TMEM260: variants seen among roughly 807,000 people sequenced by gnomAD.
TMEM260 encodes protein O-mannosyl-transferase TMEM260.
Under a neutral mutation model 88.9 loss-of-function variants are expected in TMEM260, and 82 were observed. The observed-to-expected ratio is 0.92, with a 90% CI of 0.77 to 1.11. The LOEUF is 1.11. TMEM260 is among the 50% of genes least tolerant of loss of function. The pLI is 0.00. For missense variants in TMEM260, 902 were observed against 853.4 expected (o/e 1.06, Z -0.71); for synonymous variants, 314 against 309.3 (o/e 1.02, Z -0.16).
the TMEM260 span, among the ~76,000 whole-genome samples, chr14:56,660,851 A>G: frequency 2.0e-5 from 3 of 152,170 alleles, no homozygotes; most frequent in Non-Finnish European, 4.4e-5. Context: ...TAAACTCTTA[A>G]TAGTGCACCT....
Position 56,641,166 on chromosome 14 carries a change from A to G in TMEM260, c.1869+4568A>G, listed in dbSNP as rs374299519. On this transcript the variant is annotated intron_variant, in intron 15 of 15. Coordinates refer to ENST00000261556, the MANE Select transcript of TMEM260 (RefSeq NM_017799.4). Reference sequence around the variant, plus strand: ...TTCAAATTCAGGAAATACAGAGAACACCACAAAGATACTCCTCGAGAAGAG... The same window carrying G: ...TTCAAATTCAGGAAATACAGAGAACGCCACAAAGATACTCCTCGAGAAGAG... Among the ~76,000 whole-genome samples the G allele has an allele frequency of 4.9e-3, 703 of 143,348 alleles. 1 individual carries two copies. The highest frequency in any genetic ancestry group is 0.012 in the East Asian group (52 of 4,468). 94.0% of individuals were successfully genotyped at this position (143,348 alleles called of 152,430 possible).
In TMEM260 at chr14:56,615,958, A is replaced by G; in HGVS notation, c.872A>G (p.Asn291Ser). 1 of 1,613,054 alleles carries G rather than the reference A, an allele frequency of 6.2e-7. No homozygotes were observed. Among genetic ancestry groups the G allele is most frequent in the Non-Finnish European group, 8.5e-7 (1 of 1,179,214 alleles). Residue 291 changes from asparagine (N) to serine (S), a missense_variant, in exon 8 of 16, where the codon AAT becomes AGT. Transcript: ENST00000261556. ...GTTTTTTGCAGTTCTCAAGTAACAA[A>G]TATGAGGACCGAACTCTCATTCAAC... ...MSEILLSQVT[N>S]MRTELSFNIQ...
downstream of TMEM260, among the ~76,000 whole-genome samples, chr14:56,653,128 T>C (rs1432041044): frequency 2.6e-5 from 4 of 152,014 alleles, no homozygotes; most frequent in Non-Finnish European, 5.9e-5. Flanking sequence ...ACCCCGTCTC[T>C]ACTAAAAAAT....
At chr14:56,613,834 AG>A (rs1392680195) in intron 7 of TMEM260, 2 of 151,046 alleles carry the variant, frequency 1.3e-5, no homozygotes, top group Admixed American at 1.3e-4. Flanking sequence ...CCAAAGTGGG[AG>A]GATCGCTTGA....
chr14:56,584,916 C>T, intron 1 of TMEM260, 85 bp from the exon 2 acceptor site: 2 of 1,087,350 alleles, frequency 1.8e-6, no homozygotes, highest in Non-Finnish European at 2.8e-6. Context: ...ATGCAAAACC[C>T]CAATGCAAGC....
intron 13 of TMEM260, among the ~76,000 whole-genome samples, chr14:56,634,343 T>C (rs1002388620): frequency 3.9e-5 from 6 of 152,230 alleles, no homozygotes; most frequent in African/African-American, 1.4e-4. Flanking sequence ...AGACTTTCAA[T>C]GTCTTCCTGT....
chr14:56,582,357 G>A (rs977329628), intron 1 of TMEM260, among the ~76,000 whole-genome samples: 3 of 152,122 alleles, frequency 2.0e-5, no homozygotes, highest in African/African-American at 7.2e-5. Context: ...TGCTTTTCGG[G>A]GAGGGGGTAG....
In TMEM260 at chr14:56,639,401, C is replaced by G. The variant is rs538219427; in HGVS notation, c.1869+2803C>G. 5.9e-5 allele frequency among the ~76,000 whole-genome samples: 9 copies of G among 152,244 alleles called. No individual in the cohort carries two copies. In the South Asian group the frequency reaches 1.7e-3, roughly 28 times the overall value. On this transcript the variant is annotated intron_variant, in intron 15 of 15. Transcript: ENST00000261556. ...GATTATTATGCATGGAGGCCTGTAT[C>G]AAAATATCTCATGTACCTTATAAAT... is the stretch of plus-strand genomic sequence containing the variant.
At chr14:56,607,890 A>G (rs1030676367) in intron 5 of TMEM260, among the ~76,000 whole-genome samples, 11 of 152,174 alleles carry the variant, frequency 7.2e-5, no homozygotes, top group African/African-American at 2.4e-5. Flanking sequence ...CTCTCATGCA[A>G]TTGTCTCCCT....
rs544054728 is a variant in TMEM260, at chr14:56,590,099, G to T, written c.344+4187G>T. Among the ~76,000 whole-genome samples the T allele has an allele frequency of 2.0e-5, 3 of 152,270 alleles. No individual in the cohort carries two copies. In the South Asian group the frequency reaches 6.2e-4, roughly 32 times the overall value. On this transcript the variant is annotated intron_variant, in intron 3 of 15. Transcript: ENST00000261556. ...TTAATTTCCATTCAGGAGAATATCT[G>T]TCTTGATCCGTGGTTAATTGATCAT...
At position 56,649,288 on chromosome 14, in the gene TMEM260, T is replaced by C. The variant is rs1363872508; in HGVS notation, c.*1791T>C. 1 of 152,622 alleles carries C rather than the reference T, an allele frequency of 6.6e-6. No homozygotes were observed. Among genetic ancestry groups the C allele is most frequent in the African/African-American group, 2.4e-5 (1 of 41,446 alleles). The allele number at this position is 152,622 out of a possible 1,614,324, so 9.5% of individuals were successfully genotyped here. On this transcript the variant is annotated 3_prime_UTR_variant, in exon 16 of 16. Coordinates refer to ENST00000261556, the MANE Select transcript of TMEM260 (RefSeq NM_017799.4). The stretch of plus-strand genomic sequence containing the variant: ...ACTAATTGGCAAAGACTTTTAATCA[T>C]GGGCCAAGAACTTTCACTGACTTGA...
intron 15 of TMEM260, among the ~76,000 whole-genome samples, chr14:56,640,706 A>T (rs1436350486): frequency 6.6e-6 from 1 of 152,226 alleles, no homozygotes; most frequent in Non-Finnish European, 1.5e-5. Flanking sequence ...AAGCTAAAGA[A>T]GGAAGTTCGA....
intron 15 of TMEM260, among the ~76,000 whole-genome samples, chr14:56,645,416 T>TA (rs1889895336): frequency 6.6e-6 from 1 of 151,744 alleles, no homozygotes; most frequent in Non-Finnish European, 1.5e-5. Context: ...CACCACATGT[T>TA]CTCACTCATA....
chr14:56,586,747 T>C (rs1885531152), intron 3 of TMEM260, among the ~76,000 whole-genome samples: 1 of 152,108 alleles, frequency 6.6e-6, no homozygotes, highest in African/African-American at 2.4e-5. Context: ...AATGTCTTTT[T>C]TGGAGACCAA....
chr14:56,623,914 G>C (rs939339492), intron 11 of TMEM260, among the ~76,000 whole-genome samples: 1 of 152,158 alleles, frequency 6.6e-6, no homozygotes, highest in African/African-American at 2.4e-5. Flanking sequence ...GTGTTAATGG[G>C]AGTCTCTTCT....
At chr14:56,586,244 A>T (rs925927364) in intron 3 of TMEM260, among the ~76,000 whole-genome samples, 1 of 152,164 alleles carries the variant, frequency 6.6e-6, no homozygotes, top group African/African-American at 2.4e-5. Context: ...AATGGTAAAT[A>T]TCATTTAATT....
At chr14:56,591,013 T>C (rs962994534) in intron 3 of TMEM260, among the ~76,000 whole-genome samples, 1 of 152,338 alleles carries the variant, frequency 6.6e-6, no homozygotes, top group South Asian at 2.1e-4. Flanking sequence ...GACTTTATAA[T>C]TGTGAAGCTA....
At chr14:56,661,710 T>G in the TMEM260 span, among the ~76,000 whole-genome samples, 102 of 152,344 alleles carry the variant, frequency 6.7e-4, no homozygotes, top group Middle Eastern at 3.4e-3. Context: ...GTTTCCCCTC[T>G]TGTCATAGAG....
chr14:56,656,685 G>A, the TMEM260 span, among the ~76,000 whole-genome samples: 1 of 151,976 alleles, frequency 6.6e-6, no homozygotes, highest in South Asian at 2.1e-4. Context: ...TCTCTAGTAT[G>A]TTTAAAAACG....
Sources: gnomAD v4.1 joint callset for allele counts (sites outside exome capture counted in the v4.1 genomes callset) on GRCh38, gnomAD v4.1.1 for gene constraint, MANE v1.5 for transcripts, NCBI Gene and HGNC (gene_info 2026-07-23, HGNC 2026-07-21) for gene names.